AHI1: variants seen among roughly 807,000 people sequenced by gnomAD.
AHI1 encodes Abelson helper integration site 1.
A neutral mutation model predicts 149.3 loss-of-function variants in AHI1; 123 were observed. The observed-to-expected ratio is 0.82, with a 90% CI of 0.71 to 0.96. AHI1 has a LOEUF of 0.96. AHI1 is among the 40% of genes least tolerant of loss of function. The probability of loss-of-function intolerance (pLI) is 0.00; values close to 1 mark genes in which losing one functional copy is unlikely to be tolerated. For missense variants in AHI1, 1,439 were observed against 1,422.7 expected (o/e 1.01, Z -0.18); for synonymous variants, 475 against 459.8 (o/e 1.03, Z -0.42).
intron 25 of AHI1, among the ~76,000 whole-genome samples, chr6:135,321,944 G>C (rs1324899942): frequency 6.6e-6 from 1 of 152,114 alleles, no homozygotes; most frequent in Non-Finnish European, 1.5e-5. Flanking sequence ...TGGGATTATA[G>C]GTGCCCACCA....
intron 23 of AHI1, among the ~76,000 whole-genome samples, chr6:135,367,973 G>C (rs765888348): frequency 6.6e-6 from 1 of 152,084 alleles, no homozygotes; most frequent in Non-Finnish European, 1.5e-5. Context: ...TTCTCATTTG[G>C]GTAGATTATG....
chr6:135,349,223 A>G (rs1216380431), intron 24 of AHI1, among the ~76,000 whole-genome samples: 1 of 152,190 alleles, frequency 6.6e-6, no homozygotes, highest in Non-Finnish European at 1.5e-5. Flanking sequence ...CTTGGCCTCA[A>G]GCGATCCTCC....
intron 5 of AHI1, chr6:135,490,369 T>C (rs771267482): frequency 3.2e-5 from 21 of 654,118 alleles, no homozygotes; most frequent in Non-Finnish European, 5.2e-5. Context: ...GTTTTGAGTT[T>C]CCCCACTATC....
At chr6:135,482,614 T>C (rs1473973529) in intron 5 of AHI1, among the ~76,000 whole-genome samples, 4 of 152,064 alleles carry the variant, frequency 2.6e-5, no homozygotes, top group African/African-American at 9.7e-5. Context: ...TCTGTAGAAG[T>C]ATAATTTGGT....
intron 3 of AHI1, chr6:135,492,620 A>G (rs1024544924): frequency 1.5e-5 from 15 of 985,332 alleles, no homozygotes; most frequent in Non-Finnish European, 1.8e-5. Flanking sequence ...TGAACATTTC[A>G]ACGCACTTTT....
chr6:135,309,151 C>A (rs1428256446), intron 26 of AHI1, among the ~76,000 whole-genome samples: 2 of 152,138 alleles, frequency 1.3e-5, no homozygotes, highest in African/African-American at 4.8e-5. Flanking sequence ...AGGAGAGAGT[C>A]CCTATTAATT....
intron 23 of AHI1, among the ~76,000 whole-genome samples, chr6:135,366,399 G>A (rs570436535): frequency 6.6e-6 from 1 of 152,296 alleles, no homozygotes; most frequent in South Asian, 2.1e-4. Context: ...GAATTCAGCT[G>A]TGAATCCATC....
intron 5 of AHI1, among the ~76,000 whole-genome samples, chr6:135,489,528 G>A (rs149719496): frequency 7.2e-5 from 11 of 152,110 alleles, no homozygotes; most frequent in African/African-American, 2.7e-4. Context: ...TGAGGGGAGC[G>A]CATATATCAA....
At chr6:135,490,568 A>T in intron 5 of AHI1, 55 bp downstream of exon 5, 1 of 1,602,530 alleles carries the variant, frequency 6.2e-7, no homozygotes, top group Non-Finnish European at 8.5e-7. Flanking sequence ...ATGCAGCCAT[A>T]TCTGCATTTT....
intron 28 of AHI1, 62 bp downstream of exon 28, chr6:135,290,361 T>A: frequency 1.0e-6 from 1 of 1,004,080 alleles, no homozygotes; most frequent in Non-Finnish European, 1.6e-6. Context: ...TTGCTGACCA[T>A]GCTTTCCTAA....
intron 5 of AHI1, among the ~76,000 whole-genome samples, chr6:135,469,244 AC>A (rs1419887887): frequency 6.6e-6 from 1 of 152,176 alleles, no homozygotes; most frequent in Admixed American, 6.5e-5. Flanking sequence ...CATGAACAGA[AC>A]TAAAGACAAA....
rs1236527475 is a variant in AHI1 at position 135,290,495 on chromosome 6, C to G, written c.3516G>C (p.Glu1172Asp). Residue 1172 changes from glutamate to aspartate, a missense_variant, in exon 28 of 29, where the codon GAG becomes GAC. By Grantham distance (45) the Glu-to-Asp change is conservative. Coordinates refer to ENST00000265602, the MANE Select transcript of AHI1 (RefSeq NM_001134831.2). The stretch of plus-strand genomic sequence containing the variant: ...GTGTATCCATTATGTGTCCTTGGTC[C>G]TCATGGCTCTGTTCTTTTCTCATTT... The part of the protein sequence containing the change: ...HSEMRKEQSH[E>D]DQGHIMDTRM... The G allele has an allele frequency of 6.2e-7, 1 of 1,613,804 alleles. No homozygotes were observed. Among genetic ancestry groups the G allele is most frequent in the South Asian group, 1.1e-5 (1 of 91,068 alleles).
intron 11 of AHI1, among the ~76,000 whole-genome samples, chr6:135,451,834 G>GT (rs1788155475): frequency 6.7e-6 from 1 of 149,150 alleles, no homozygotes; most frequent in Non-Finnish European, 1.5e-5. Context: ...GTGAAAGTGA[G>GT]TTTTTTGCTT....
chr6:135,330,274 A>G (rs1788352010), intron 24 of AHI1, among the ~76,000 whole-genome samples: 1 of 152,150 alleles, frequency 6.6e-6, no homozygotes, highest in African/African-American at 2.4e-5. Context: ...GGCAAATTTC[A>G]TTTTTGTCTT....
rs767297135 is a variant in AHI1, at chr6:135,457,657, C to A, written c.988G>T (p.Asp330Tyr). The change falls in exon 9 of 29, where the codon GAT becomes TAT. Residue 330 changes from aspartate (D) to tyrosine (Y), a missense_variant. Physicochemically the swap from Asp to Tyr is radical, Grantham distance 160. Coordinates refer to ENST00000265602, the MANE Select transcript of AHI1 (RefSeq NM_001134831.2). The stretch of plus-strand genomic sequence containing the variant: ...AAACATTTGGGATAAACCGGGCTAT[C>A]TCGGCTTGTTATTTCATGAACACCA... ...GDGVHEITSRDSPVYPKCLLD... is the reference protein window; with the variant it reads ...GDGVHEITSRYSPVYPKCLLD... 6.2e-7 allele frequency: 1 copy of A among 1,613,896 alleles called. No homozygotes were observed. The highest frequency in any genetic ancestry group is 1.1e-5 in the South Asian group (1 of 91,074).
chr6:135,307,143 A>G (rs866965181), intron 26 of AHI1: 4 of 152,334 alleles, frequency 2.6e-5, no homozygotes, highest in Middle Eastern at 6.8e-3. Flanking sequence ...AATTCAAATA[A>G]AAGAGTAATA....
chr6:135,466,078 T>G lies in AHI1; in HGVS notation c.485A>C (p.Gln162Pro), dbSNP rs770822998. ...ACTTTTCTGATGATCAACGCCTGGC[T>G]GTGGCTTTGTATGTGTTTTCTGGTG... is the stretch of plus-strand genomic sequence containing the variant. ...STHQKTHTKPQPGVDHQKSEK... is the reference protein window; with the variant it reads ...STHQKTHTKPPPGVDHQKSEK... Residue 162 changes from glutamine (Q) to proline (P), a missense_variant, in exon 7 of 29, where the codon CAG (glutamine) becomes CCG (proline). Coordinates refer to ENST00000265602, the MANE Select transcript of AHI1 (RefSeq NM_001134831.2). 5 of 1,613,838 alleles carry G rather than the reference T, an allele frequency of 3.1e-6. No individual in the cohort carries two copies. The highest frequency in any genetic ancestry group is 3.3e-5 in the Admixed American group (2 of 59,990).
At chr6:135,450,278 A>G (rs1251143334) in intron 11 of AHI1, among the ~76,000 whole-genome samples, 1 of 152,182 alleles carries the variant, frequency 6.6e-6, no homozygotes, top group Non-Finnish European at 1.5e-5. Flanking sequence ...TAACTAAAAA[A>G]TGTTCAATAT....
intron 25 of AHI1, 97 bp from the exon 26 acceptor site, chr6:135,318,713 A>G (rs1786359329): frequency 1.5e-6 from 1 of 678,946 alleles, no homozygotes; most frequent in African/African-American, 1.8e-5. Context: ...AATTAAAGAA[A>G]TCGATATTCA....
Sources: gnomAD v4.1 joint callset for allele counts (sites outside exome capture counted in the v4.1 genomes callset) on GRCh38, gnomAD v4.1.1 for gene constraint, MANE v1.5 for transcripts, NCBI Gene and HGNC (gene_info 2026-07-23, HGNC 2026-07-21) for gene names.